MED13L: variants seen among roughly 807,000 people sequenced by gnomAD.
The protein encoded by MED13L is mediator of RNA polymerase II transcription subunit 13-like.
Under a neutral mutation model 220.9 loss-of-function variants are expected in MED13L, and 7 were observed. The ratio of observed to expected loss-of-function variants is 0.03; its 90% confidence interval spans 0.02 to 0.06. MED13L has a LOEUF of 0.06. Among genes scored for constraint, MED13L ranks in the 10% least tolerant of loss-of-function variants. MED13L has a pLI of 1.00. For missense variants in MED13L, 1,965 were observed against 2,760.5 expected, an observed-to-expected ratio of 0.71 and a Z score of 6.46; for synonymous variants, 1,011 against 1,015.2, an observed-to-expected ratio of 1.00 and a Z score of 0.08.
chr12:115,970,922 G>A, intron 26 of MED13L, 152 bp from the exon 27 acceptor site: 3 of 769,554 alleles, frequency 3.9e-6, no homozygotes, highest in Non-Finnish European at 6.5e-6. Context: ...TATCTTCAAA[G>A]AAACTGACTC....
intron 2 of MED13L, among the ~76,000 whole-genome samples, chr12:116,133,636 G>A (rs898244635): frequency 2.6e-5 from 4 of 152,032 alleles, no homozygotes; most frequent in Non-Finnish European, 2.9e-5. Context: ...CTTACAGTGC[G>A]ACACTATCAG....
chr12:115,972,397 A>T, intron 25 of MED13L, 161 bp from the exon 26 acceptor site: 1 of 802,008 alleles, frequency 1.2e-6, no homozygotes, highest in Non-Finnish European at 2.1e-6. Context: ...AGAGAATGTT[A>T]CTCGACTTCT....
intron 2 of MED13L, among the ~76,000 whole-genome samples, chr12:116,122,636 C>T (rs1032036160): frequency 6.6e-6 from 1 of 152,094 alleles, no homozygotes; most frequent in Non-Finnish European, 1.5e-5. Context: ...CTATTTGCAA[C>T]CTTAAGTGAT....
At chr12:116,224,948 C>T (rs1486217001) in intron 2 of MED13L, among the ~76,000 whole-genome samples, 1 of 152,200 alleles carries the variant, frequency 6.6e-6, no homozygotes, top group African/African-American at 2.4e-5. Flanking sequence ...CCTCCCACCT[C>T]AGCCTCCGAA....
chr12:115,968,798 G>C, intron 28 of MED13L, 142 bp downstream of exon 28: 1 of 1,011,140 alleles, frequency 9.9e-7, no homozygotes, highest in Non-Finnish European at 1.5e-6. Flanking sequence ...ACCATAGTCA[G>C]TTTCCCACAC....
intron 4 of MED13L, among the ~76,000 whole-genome samples, chr12:116,053,869 G>A (rs1264650016): frequency 6.6e-6 from 1 of 152,096 alleles, no homozygotes; most frequent in Non-Finnish European, 1.5e-5. Context: ...CTCATTAGAG[G>A]TATGCTAGTA....
intron 2 of MED13L, among the ~76,000 whole-genome samples, chr12:116,116,461 A>G (rs528923002): frequency 1.3e-5 from 2 of 152,254 alleles, no homozygotes; most frequent in African/African-American, 4.8e-5. Context: ...CCCTCTCTAC[A>G]TAACCTGCCC....
intron 2 of MED13L, among the ~76,000 whole-genome samples, chr12:116,156,954 A>G (rs1878490889): frequency 6.6e-6 from 1 of 152,172 alleles, no homozygotes; most frequent in African/African-American, 2.4e-5. Flanking sequence ...TGACACCATG[A>G]TAAAACTACC....
intron 4 of MED13L, among the ~76,000 whole-genome samples, chr12:116,040,217 C>T (rs536534692): frequency 1.3e-5 from 2 of 152,258 alleles, no homozygotes; most frequent in South Asian, 2.1e-4. Flanking sequence ...ACACTTCCAA[C>T]GGCAGTTTAA....
chr12:116,205,056 A>G (rs998780703), intron 2 of MED13L, among the ~76,000 whole-genome samples: 1 of 152,080 alleles, frequency 6.6e-6, no homozygotes, highest in African/African-American at 2.4e-5. Context: ...TACTTACTCA[A>G]CTACTCATGT....
At chr12:116,258,408 T>G (rs927424826) in intron 1 of MED13L, among the ~76,000 whole-genome samples, 22 of 152,184 alleles carry the variant, frequency 1.4e-4, no homozygotes, top group African/African-American at 5.1e-4. Flanking sequence ...GCAAAAGCTC[T>G]GAGGTGAGAA....
intron 1 of MED13L, among the ~76,000 whole-genome samples, chr12:116,250,160 T>C (rs1012821163): frequency 8.9e-5 from 13 of 146,776 alleles, no homozygotes; most frequent in Non-Finnish European, 1.6e-4. Flanking sequence ...ACAAAGATAA[T>C]ATTAACTACA....
intron 4 of MED13L, among the ~76,000 whole-genome samples, chr12:116,031,705 G>GAA (rs1373733503): frequency 3.0e-5 from 1 of 32,952 alleles, no homozygotes; most frequent in East Asian, 6.9e-4. Context: ...GAAAAGAAAA[G>GAA]AAAAGAAAAG....
At chr12:115,992,104 T>TTA (rs1878102590) in intron 16 of MED13L, 147 bp from the exon 17 acceptor site, 1 of 436,440 alleles carries the variant, frequency 2.3e-6, no homozygotes, top group African/African-American at 2.2e-5. Flanking sequence ...AATTTTCTCT[T>TTA]AAAAAAAAAA....
At chr12:116,094,897 A>G (rs1872527867) in intron 4 of MED13L, among the ~76,000 whole-genome samples, 1 of 152,230 alleles carries the variant, frequency 6.6e-6, no homozygotes, top group Non-Finnish European at 1.5e-5. Context: ...GGCCAGGCAC[A>G]GGGGCTCACA....
chr12:116,093,341 T>A (rs1032975322), intron 4 of MED13L, among the ~76,000 whole-genome samples: 7 of 152,100 alleles, frequency 4.6e-5, no homozygotes, highest in Non-Finnish European at 8.8e-5. Context: ...AGAGAAAAAA[T>A]TATATTGAAT....
At chr12:116,000,808 A>T (rs921029403) in intron 14 of MED13L, among the ~76,000 whole-genome samples, 2 of 152,232 alleles carry the variant, frequency 1.3e-5, no homozygotes, top group Admixed American at 1.3e-4. Context: ...TTACATTCAC[A>T]AATGAATAAT....
chr12:116,239,657 T>C (rs527892877), intron 1 of MED13L, among the ~76,000 whole-genome samples: 1 of 152,242 alleles, frequency 6.6e-6, no homozygotes, highest in African/African-American at 2.4e-5. Context: ...AACACTGTTA[T>C]TTTCCTGATT....
chr12:116,009,399 C>A (rs187267197), intron 9 of MED13L, among the ~76,000 whole-genome samples: 1 of 151,978 alleles, frequency 6.6e-6, no homozygotes, highest in Non-Finnish European at 1.5e-5. Flanking sequence ...TTCAAAAAAA[C>A]CCAAATCTTT....
Sources: gnomAD v4.1 joint callset for allele counts (sites outside exome capture counted in the v4.1 genomes callset) on GRCh38, gnomAD v4.1.1 for gene constraint, MANE v1.5 for transcripts, NCBI Gene and HGNC (gene_info 2026-07-23, HGNC 2026-07-21) for gene names.